The following RASGEF1C variants were observed in gnomAD, a reference collection of about 807,000 sequenced individuals.
RASGEF1C encodes the protein ras-GEF domain-containing family member 1C.
Under a neutral mutation model 58.1 loss-of-function variants are expected in RASGEF1C, and 27 were observed. The ratio of observed to expected loss-of-function variants is 0.46; its 90% CI spans 0.34 to 0.64. The LOEUF (loss-of-function observed/expected upper bound fraction) is 0.64, where lower values mean the gene tolerates loss of function less well. Ranked by LOEUF, RASGEF1C falls within the 30% of genes least tolerant of loss-of-function variation. RASGEF1C has a pLI of 0.01. For missense variants in RASGEF1C, 502 were observed against 605.1 expected, an observed-to-expected ratio of 0.83 and a Z score of 1.79; for synonymous variants, 243 against 246.3, an observed-to-expected ratio of 0.99 and a Z score of 0.13.
At chr5:180,138,541 C>T (rs563042909) in intron 1 of RASGEF1C, among the ~76,000 whole-genome samples, 2 of 152,168 alleles carry the variant, frequency 1.3e-5, no homozygotes, top group East Asian at 1.9e-4. Flanking sequence ...AATGTATGCC[C>T]GACGCTACTG....
At chr5:180,157,778 A>G (rs4389652) in intron 1 of RASGEF1C, among the ~76,000 whole-genome samples, 25,598 of 152,190 alleles carry the variant, frequency 0.17, 2,704 homozygotes, top group Non-Finnish European at 0.24. Context: ...TTATGGAGGC[A>G]GTAGAAAGAC....
chr5:180,187,425 A>T (rs1358476541), intron 1 of RASGEF1C, among the ~76,000 whole-genome samples: 1 of 152,218 alleles, frequency 6.6e-6, no homozygotes, highest in Admixed American at 6.5e-5. Flanking sequence ...CATCAAAATT[A>T]AAAACCTGTG....
intron 1 of RASGEF1C, among the ~76,000 whole-genome samples, chr5:180,206,911 T>C (rs574139668): frequency 1.4e-4 from 22 of 152,246 alleles, no homozygotes; most frequent in African/African-American, 4.6e-4. Context: ...AACCAGAAAA[T>C]ATTTTAAATG....
intron 1 of RASGEF1C, among the ~76,000 whole-genome samples, chr5:180,189,365 G>A (rs1266163252): frequency 6.6e-6 from 1 of 152,188 alleles, no homozygotes; most frequent in African/African-American, 2.4e-5. Flanking sequence ...ATAGACTTTA[G>A]AAATTGATGA....
In RASGEF1C at chr5:180,168,542, G is replaced by A. The variant is rs77403164; in HGVS notation, c.-6-30484C>T. ...CCTGGGGCTCTGCATTTCCGTCGTC[G>A]AGCCAGAAAGCTAGGGCTTTCCTTC... is the stretch of plus-strand genomic sequence containing the variant. On this transcript the variant is annotated intron_variant, in intron 1 of 13. Transcript: ENST00000361132. The surrounding 1 kb of genome is among the most constrained non-coding windows in gnomAD (Gnocchi z 6.0). Among the ~76,000 whole-genome samples the A allele has an allele frequency of 0.033, 4,972 of 152,224 alleles. 121 individuals carry two copies. The highest frequency in any genetic ancestry group is 0.093 in the South Asian group (447 of 4,820).
intron 1 of RASGEF1C, among the ~76,000 whole-genome samples, chr5:180,191,540 TAG>T (rs1756163667): frequency 6.6e-6 from 1 of 151,274 alleles, no homozygotes; most frequent in African/African-American, 2.4e-5. Context: ...GTATATTTAG[TAG>T]AGACGGGATT....
intron 4 of RASGEF1C, chr5:180,135,394 G>A (rs1232323232): frequency 6.6e-6 from 1 of 152,242 alleles, no homozygotes; most frequent in Non-Finnish European, 1.5e-5. Flanking sequence ...CTTCTGCCAT[G>A]TCCAGACCTA....
Position 180,137,628 on chromosome 5 carries a change from T to G in RASGEF1C, c.262A>C (p.Ile88Leu), listed in dbSNP as rs1048312296. ...GGCTTGTCCAGCTGCTGCTGCTCGA[T>G]GCACAGGTGGCAGACCCGGGCCAGG... The part of the protein sequence containing the change: ...ELLARVCHLC[I>L]EQQQLDKPVL... The change falls in exon 3 of 14, where the codon ATC becomes CTC. Residue 88 changes from isoleucine (I) to leucine (L), a missense_variant. Transcript: ENST00000361132. The surrounding 1 kb of genome is among the most constrained non-coding windows in gnomAD (Gnocchi z 4.1). 1 of 1,612,014 alleles carries G rather than the reference T, an allele frequency of 6.2e-7. No homozygotes were observed. Among genetic ancestry groups the G allele is most frequent in the Non-Finnish European group, 8.5e-7 (1 of 1,179,832 alleles).
At chr5:180,127,503 T>C in intron 6 of RASGEF1C, 106 bp downstream of exon 6, 2 of 1,149,544 alleles carry the variant, frequency 1.7e-6, no homozygotes, top group Non-Finnish European at 2.4e-6. Context: ...CCTGTCCCAC[T>C]CTGGGCCACT....
intron 1 of RASGEF1C, among the ~76,000 whole-genome samples, chr5:180,182,346 G>T (rs942384764): frequency 6.6e-6 from 1 of 151,940 alleles, no homozygotes; most frequent in African/African-American, 2.4e-5. Flanking sequence ...ATGAAGCCGC[G>T]GACCTTCACG....
chr5:180,119,208 C>A, intron 8 of RASGEF1C, 138 bp downstream of exon 8: 2 of 751,878 alleles, frequency 2.7e-6, no homozygotes, highest in Middle Eastern at 3.7e-4. Context: ...GCTGCCCAGG[C>A]CTTCAGAGAG....
chr5:180,170,971 C>T (rs1767099414), intron 1 of RASGEF1C, among the ~76,000 whole-genome samples: 2 of 152,178 alleles, frequency 1.3e-5, no homozygotes, highest in African/African-American at 2.4e-5. Context: ...GGGCTGTCAG[C>T]GCTGCTGCTC....
At chr5:180,203,290 TTA>T (rs1303944660) in intron 1 of RASGEF1C, among the ~76,000 whole-genome samples, 1 of 152,228 alleles carries the variant, frequency 6.6e-6, no homozygotes, top group African/African-American at 2.4e-5. Context: ...TTATACTATG[TTA>T]TGTTTTGTTA....
intron 4 of RASGEF1C, among the ~76,000 whole-genome samples, chr5:180,128,952 C>T (rs916807961): frequency 3.3e-5 from 5 of 152,214 alleles, no homozygotes; most frequent in African/African-American, 1.2e-4. Flanking sequence ...GCCAGGAAGC[C>T]AGAGAAAGGG....
intron 1 of RASGEF1C, among the ~76,000 whole-genome samples, chr5:180,188,179 T>C (rs1290511734): frequency 6.6e-6 from 1 of 152,184 alleles, no homozygotes; most frequent in Non-Finnish European, 1.5e-5. Context: ...TACATGTCAC[T>C]GCATAAATGA....
chr5:180,129,644 C>T (rs1766329109), intron 4 of RASGEF1C, among the ~76,000 whole-genome samples: 2 of 152,200 alleles, frequency 1.3e-5, no homozygotes, highest in Non-Finnish European at 2.9e-5. Flanking sequence ...CTGAAGTGAC[C>T]TGATGATGCC....
intron 12 of RASGEF1C, among the ~76,000 whole-genome samples, chr5:180,105,511 G>A (rs565443348): frequency 1.3e-4 from 20 of 151,440 alleles, no homozygotes; most frequent in East Asian, 2.0e-4. Context: ...GCAGTGAGCC[G>A]CGACTGCGCC....
chr5:180,145,753 C>T (rs1052568187), intron 1 of RASGEF1C, among the ~76,000 whole-genome samples: 1 of 152,182 alleles, frequency 6.6e-6, no homozygotes, highest in East Asian at 1.9e-4. Flanking sequence ...GAAGCCGTGG[C>T]GTTTCAAGAC....
Position 180,197,399 on chromosome 5 carries a change from G to T in RASGEF1C, c.-7+11629C>A, listed in dbSNP as rs1300591615. Among the ~76,000 whole-genome samples the T allele has an allele frequency of 6.6e-6, 1 of 152,236 alleles. No individual in the cohort carries two copies. The highest frequency in any genetic ancestry group is 1.5e-5 in the Non-Finnish European group (1 of 68,042). On this transcript the variant is annotated intron_variant, in intron 1 of 13. Transcript: ENST00000361132. This position sits in a 1 kb window ranked among gnomAD's most constrained non-coding sequence, Gnocchi z 4.7. Reference sequence around the variant, plus strand: ...GAGAAGGCCTGGGGGTTAACAGAGAGGCACTCCTGGCTGAGCCTAGCTCAG... The same window carrying T: ...GAGAAGGCCTGGGGGTTAACAGAGATGCACTCCTGGCTGAGCCTAGCTCAG...
Sources: gnomAD v4.1 joint callset for allele counts (sites outside exome capture counted in the v4.1 genomes callset) on GRCh38, gnomAD v4.1.1 for gene constraint, Gnocchi (gnomAD v3.1) non-coding constraint, MANE v1.5 for transcripts, NCBI Gene and HGNC (gene_info 2026-07-23, HGNC 2026-07-21) for gene names.